The following MAD1L1 variants were observed in gnomAD, a reference collection of about 807,000 sequenced individuals.
MAD1L1 encodes the protein mitotic spindle assembly checkpoint protein MAD1.
Under a neutral mutation model 96.9 loss-of-function variants are expected in MAD1L1, and 95 were observed. The ratio of observed to expected loss-of-function variants is 0.98; its 90% CI spans 0.83 to 1.16. The LOEUF is 1.16. Ranked by LOEUF, MAD1L1 falls within the 50% of genes most tolerant of loss-of-function variation. MAD1L1 has a pLI of 0.00. For missense variants in MAD1L1, 1,007 were observed against 954.4 expected (o/e 1.06, Z -0.73); for synonymous variants, 473 against 396.6 (o/e 1.19, Z -2.29).
chr7:2,055,361 C>T (rs533551897), intron 12 of MAD1L1, among the ~76,000 whole-genome samples: 1 of 152,098 alleles, frequency 6.6e-6, no homozygotes, highest in African/African-American at 2.4e-5. Flanking sequence ...TGGCCCGCAT[C>T]GTAGGGCACG....
chr7:2,140,377 C>A (rs1271971598), intron 11 of MAD1L1, among the ~76,000 whole-genome samples: 1 of 152,242 alleles, frequency 6.6e-6, no homozygotes, highest in Non-Finnish European at 1.5e-5. Flanking sequence ...CCGGTGCCAC[C>A]CTCCACGCCT....
In MAD1L1 at chr7:2,097,197, G is replaced by A. The variant is rs77506201; in HGVS notation, c.1074-27859C>T. On this transcript the variant is annotated intron_variant, in intron 11 of 18. Coordinates refer to ENST00000265854, the MANE Select transcript of MAD1L1 (RefSeq NM_001013836.2). ...GCCCCACCCCACGGCGCCCAGGCAC[G>A]CGCTCACCCCTCTTGGCTCTGCCAC... Among the ~76,000 whole-genome samples the A allele has an allele frequency of 2.8e-4, 43 of 151,494 alleles. 1 individual carries two copies. Among genetic ancestry groups the A allele is most frequent in the East Asian group, 2.3e-3 (12 of 5,122 alleles).
chr7:1,939,004 C>T (rs1778790305), intron 16 of MAD1L1, among the ~76,000 whole-genome samples: 1 of 130,308 alleles, frequency 7.7e-6, no homozygotes, highest in Non-Finnish European at 1.7e-5. Context: ...CACACGCACA[C>T]ACACACACAC....
intron 17 of MAD1L1, among the ~76,000 whole-genome samples, chr7:1,926,233 C>T (rs1562529527): frequency 6.6e-6 from 1 of 152,220 alleles, no homozygotes; most frequent in Non-Finnish European, 1.5e-5. Flanking sequence ...GATGAAAGAA[C>T]TCACTATTCC....
At chr7:1,845,734 C>A (rs577336576) in intron 18 of MAD1L1, 1 of 152,620 alleles carries the variant, frequency 6.6e-6, no homozygotes, top group South Asian at 2.1e-4. Flanking sequence ...CACGCAGACA[C>A]GCGTCGGGTT....
intron 12 of MAD1L1, among the ~76,000 whole-genome samples, chr7:2,021,002 C>T (rs1332788050): frequency 6.6e-6 from 1 of 152,016 alleles, no homozygotes; most frequent in African/African-American, 2.4e-5. Flanking sequence ...AATGTAAAAA[C>T]AGGTCCACAG....
At position 2,164,387 on chromosome 7, in the gene MAD1L1, G is replaced by A. The variant is rs563450008; in HGVS notation, c.987-15149C>T. 1.5e-3 allele frequency among the ~76,000 whole-genome samples: 228 copies of A among 152,278 alleles called. 1 individual carries two copies. Among genetic ancestry groups the A allele is most frequent in the African/African-American group, 5.1e-3 (213 of 41,558 alleles). On this transcript the variant is annotated intron_variant, in intron 10 of 18. Transcript: ENST00000265854. ...TTCTGGTCTATGAAACAGACAATTC[G>A]ACCCTCCTGCAGGAGCTCTGCGCTG...
intron 11 of MAD1L1, among the ~76,000 whole-genome samples, chr7:2,124,239 G>C (rs536493705): frequency 6.6e-6 from 1 of 152,342 alleles, no homozygotes; most frequent in African/African-American, 2.4e-5. Context: ...GAGACATGGA[G>C]AGGAGGCAAG....
At chr7:1,984,486 A>G (rs1326969033) in intron 14 of MAD1L1, among the ~76,000 whole-genome samples, 2 of 152,274 alleles carry the variant, frequency 1.3e-5, no homozygotes, top group African/African-American at 2.4e-5. Flanking sequence ...AGATTAGGAC[A>G]TAAATCCTGC....
At chr7:1,909,253 G>A (rs1047424653) in intron 17 of MAD1L1, among the ~76,000 whole-genome samples, 1 of 152,198 alleles carries the variant, frequency 6.6e-6, no homozygotes, top group African/African-American at 2.4e-5. Context: ...AGGGCTGGGG[G>A]AGCCGCCCGA....
rs575654801 is a variant in MAD1L1, at chr7:2,149,514, C to T, written c.987-276G>A. On this transcript the variant is annotated intron_variant, in intron 10 of 18. Transcript: ENST00000265854. Reference sequence around the variant, plus strand: ...AGAGACACGACCTGACAGTGTCACTCTTCAGAGGAAACGAAATCATGTTTA... The same window carrying T: ...AGAGACACGACCTGACAGTGTCACTTTTCAGAGGAAACGAAATCATGTTTA... 1.3e-4 allele frequency among the ~76,000 whole-genome samples: 20 copies of T among 152,296 alleles called. No individual in the cohort carries two copies. The South Asian group carries it at 4.1e-3, about 32-fold the overall frequency.
chr7:1,856,920 G>A (rs1280977883), intron 18 of MAD1L1, among the ~76,000 whole-genome samples: 1 of 152,102 alleles, frequency 6.6e-6, no homozygotes, highest in Non-Finnish European at 1.5e-5. Flanking sequence ...CCTTCAGACC[G>A]AGCTGACCAT....
intron 11 of MAD1L1, among the ~76,000 whole-genome samples, chr7:2,111,076 C>G (rs2128555869): frequency 6.6e-6 from 1 of 152,328 alleles, no homozygotes; most frequent in African/African-American, 2.4e-5. Flanking sequence ...CTCAAGTCCA[C>G]AGGGCACGCT....
chr7:1,916,114 TGGGGCTGTG>T (rs1171600141), intron 17 of MAD1L1, among the ~76,000 whole-genome samples: 2 of 152,118 alleles, frequency 1.3e-5, no homozygotes, highest in Non-Finnish European at 2.9e-5. Context: ...CACCCACCAG[TGGGGCTGTG>T]GTCAGAAAGA....
intron 18 of MAD1L1, among the ~76,000 whole-genome samples, chr7:1,854,922 G>C (rs940231590): frequency 2.0e-5 from 3 of 152,254 alleles, no homozygotes; most frequent in Non-Finnish European, 4.4e-5. Context: ...GTGAGGCCCA[G>C]AGGCCTGAGA....
In MAD1L1 at chr7:2,213,161, C is replaced by A. The variant is rs573885232; in HGVS notation, c.986+51G>T. ...GCCGGAAGCAGGCTCTGCTCTTCACCCAGGACCCTTCAAAGAAGGCGGGAC... is the reference window on the plus strand; with the variant it reads ...GCCGGAAGCAGGCTCTGCTCTTCACACAGGACCCTTCAAAGAAGGCGGGAC... On this transcript the variant is annotated intron_variant, in intron 10 of 18. Coordinates refer to ENST00000265854, the MANE Select transcript of MAD1L1 (RefSeq NM_001013836.2). 28 of 1,594,186 alleles carry A rather than the reference C, an allele frequency of 1.8e-5. No individual in the cohort carries two copies. In the African/African-American group the frequency reaches 3.6e-4, roughly 21 times the overall value.
intron 12 of MAD1L1, among the ~76,000 whole-genome samples, chr7:2,060,430 G>A (rs115554097): frequency 0.011 from 1,600 of 151,840 alleles, 26 homozygotes; most frequent in African/African-American, 0.036. Context: ...GAGATACGCC[G>A]ATGCTGAGAT....
chr7:1,870,319 T>C (rs1301394061), intron 18 of MAD1L1, among the ~76,000 whole-genome samples: 2 of 143,488 alleles, frequency 1.4e-5, no homozygotes, highest in African/African-American at 5.3e-5. Context: ...GAACCTAACA[T>C]ACGCCTGCCA....
chr7:2,003,334 G>C (rs1409444415), intron 13 of MAD1L1, among the ~76,000 whole-genome samples: 1 of 152,118 alleles, frequency 6.6e-6, no homozygotes, highest in Non-Finnish European at 1.5e-5. Context: ...GTGGGGATGG[G>C]GGAAGTATGT....
Sources: gnomAD v4.1 joint callset for allele counts (sites outside exome capture counted in the v4.1 genomes callset) on GRCh38, gnomAD v4.1.1 for gene constraint, MANE v1.5 for transcripts, NCBI Gene and HGNC (gene_info 2026-07-23, HGNC 2026-07-21) for gene names.